ATRNL1: variants seen among roughly 807,000 people sequenced by gnomAD.
ATRNL1 encodes the protein attractin-like protein 1.
Under a neutral mutation model 182.7 loss-of-function variants are expected in ATRNL1, and 95 were observed. That is an observed-to-expected ratio of 0.52 (90% CI 0.44 to 0.62). The LOEUF is 0.62. Among genes scored for constraint, ATRNL1 ranks in the 20% least tolerant of loss-of-function variants. The probability of loss-of-function intolerance (pLI) is 0.00; values close to 1 mark genes in which losing one functional copy is unlikely to be tolerated. For synonymous variants in ATRNL1, 576 were observed against 568.3 expected (o/e 1.01, Z -0.19); for missense variants, 1,471 against 1,679.5 (o/e 0.88, Z 2.17).
At chr10:115,274,637 A>G (rs1452271822) in intron 13 of ATRNL1, among the ~76,000 whole-genome samples, 5 of 152,182 alleles carry the variant, frequency 3.3e-5, no homozygotes, top group Admixed American at 2.0e-4. Context: ...TGTCTTGTGG[A>G]ATAAAAAGGC....
chr10:115,880,923 C>A (rs1187631125), intron 28 of ATRNL1, among the ~76,000 whole-genome samples: 1 of 152,154 alleles, frequency 6.6e-6, no homozygotes, highest in Non-Finnish European at 1.5e-5. Context: ...CCAAAAAGAA[C>A]AAGCTCTGAA....
intron 26 of ATRNL1, among the ~76,000 whole-genome samples, chr10:115,626,286 G>A (rs111892197): frequency 5.0e-4 from 76 of 152,208 alleles, no homozygotes; most frequent in African/African-American, 1.8e-3. Context: ...GGTGGAAGAG[G>A]GAATTAGGAA....
intron 24 of ATRNL1, among the ~76,000 whole-genome samples, chr10:115,487,000 T>TC (rs1171459670): frequency 6.6e-6 from 1 of 152,188 alleles, no homozygotes; most frequent in Non-Finnish European, 1.5e-5. Flanking sequence ...AGGGAATCCT[T>TC]CCCCCATTGC....
intron 1 of ATRNL1, among the ~76,000 whole-genome samples, chr10:115,105,429 C>T (rs782095912): frequency 3.3e-5 from 5 of 152,158 alleles, no homozygotes; most frequent in Non-Finnish European, 7.4e-5. Flanking sequence ...AAGAAAATCC[C>T]ATTTTCTGAG....
Position 115,570,028 on chromosome 10 carries a change from C to G in ATRNL1, c.3795+20492C>G, listed in dbSNP as rs182649336. Among the ~76,000 whole-genome samples the G allele has an allele frequency of 5.4e-3, 825 of 152,318 alleles. 1 individual carries two copies. Among genetic ancestry groups the G allele is most frequent in the Non-Finnish European group, 9.2e-3 (623 of 68,030 alleles). On this transcript the variant is annotated intron_variant, in intron 26 of 28. Transcript: ENST00000355044. ...TTCTGCTGGAGTGCAGTGGTGCGATCTCAGCTCACTGCAACCTCTGCCTCC... is the reference window on the plus strand; with the variant it reads ...TTCTGCTGGAGTGCAGTGGTGCGATGTCAGCTCACTGCAACCTCTGCCTCC...
intron 6 of ATRNL1, among the ~76,000 whole-genome samples, chr10:115,164,930 T>G (rs1024048769): frequency 1.5e-4 from 23 of 152,064 alleles, no homozygotes; most frequent in African/African-American, 5.3e-4. Context: ...GAAATTATAG[T>G]TAACAATTTA....
intron 27 of ATRNL1, among the ~76,000 whole-genome samples, chr10:115,758,846 CA>C (rs1329214480): frequency 7.2e-5 from 11 of 152,216 alleles, no homozygotes; most frequent in African/African-American, 2.7e-4. Flanking sequence ...CAAGCCTCAG[CA>C]ATAGCAGAAT....
At chr10:115,665,301 T>G (rs1860936911) in intron 26 of ATRNL1, among the ~76,000 whole-genome samples, 1 of 152,060 alleles carries the variant, frequency 6.6e-6, no homozygotes, top group Non-Finnish European at 1.5e-5. Context: ...TAATACAAAC[T>G]CCTCACTTTC....
chr10:115,239,898 G>A (rs1850343225), intron 9 of ATRNL1, among the ~76,000 whole-genome samples: 1 of 152,154 alleles, frequency 6.6e-6, no homozygotes, highest in Admixed American at 6.5e-5. Flanking sequence ...GGAATGAGAA[G>A]TGCTGGTATC....
At chr10:115,834,346 G>A (rs575452837) in intron 27 of ATRNL1, among the ~76,000 whole-genome samples, 1 of 152,252 alleles carries the variant, frequency 6.6e-6, no homozygotes, top group South Asian at 2.1e-4. Flanking sequence ...ATTCTCTAAT[G>A]GTGGGATTAT....
chr10:115,689,678 T>C (rs1259595267), intron 26 of ATRNL1, among the ~76,000 whole-genome samples: 2 of 152,170 alleles, frequency 1.3e-5, no homozygotes, highest in Non-Finnish European at 2.9e-5. Flanking sequence ...CAGGAAAGTA[T>C]GTATCTCTGG....
intron 3 of ATRNL1, among the ~76,000 whole-genome samples, chr10:115,124,746 C>A (rs1277894774): frequency 6.6e-6 from 1 of 152,092 alleles, no homozygotes; most frequent in Non-Finnish European, 1.5e-5. Flanking sequence ...CATAAATTTT[C>A]AGGGCTCACC....
At chr10:115,876,052 G>T (rs1951693337) in intron 28 of ATRNL1, among the ~76,000 whole-genome samples, 3 of 152,192 alleles carry the variant, frequency 2.0e-5, no homozygotes, top group Admixed American at 6.5e-5. Flanking sequence ...AAGCTTTGGA[G>T]CAAGGTGAAA....
intron 18 of ATRNL1, among the ~76,000 whole-genome samples, chr10:115,329,500 T>C (rs1274859957): frequency 6.6e-6 from 1 of 152,152 alleles, no homozygotes; most frequent in Non-Finnish European, 1.5e-5. Context: ...CCTACTACTA[T>C]TGTTTTGCTT....
chr10:115,351,734 C>A (rs56728323), intron 19 of ATRNL1, among the ~76,000 whole-genome samples: 1 of 56,240 alleles, frequency 1.8e-5, no homozygotes, highest in African/African-American at 4.4e-5. Flanking sequence ...CTGTAGTTTT[C>A]TTTTCTTGTG....
chr10:115,325,455 C>T (rs1461297519), intron 18 of ATRNL1, among the ~76,000 whole-genome samples: 5 of 152,100 alleles, frequency 3.3e-5, no homozygotes, highest in Non-Finnish European at 7.4e-5. Context: ...CTGTAATATA[C>T]TTTCTCCTTT....
intron 26 of ATRNL1, among the ~76,000 whole-genome samples, chr10:115,719,348 A>G (rs1167261796): frequency 6.6e-6 from 1 of 152,204 alleles, no homozygotes; most frequent in Non-Finnish European, 1.5e-5. Context: ...AGAAGATAAA[A>G]ACAAGTATAC....
At chr10:115,486,084 T>C (rs1849008901) in intron 24 of ATRNL1, among the ~76,000 whole-genome samples, 1 of 152,190 alleles carries the variant, frequency 6.6e-6, no homozygotes, top group Non-Finnish European at 1.5e-5. Flanking sequence ...CTCATCATTT[T>C]TTATGGCTGC....
chr10:115,939,207 C>T (rs1217819071), intron 28 of ATRNL1, among the ~76,000 whole-genome samples: 1 of 152,174 alleles, frequency 6.6e-6, no homozygotes, highest in Non-Finnish European at 1.5e-5. Flanking sequence ...ACCACTGAGT[C>T]GTGCCCATTT....
Sources: gnomAD v4.1 joint callset for allele counts (sites outside exome capture counted in the v4.1 genomes callset) on GRCh38, gnomAD v4.1.1 for gene constraint, MANE v1.5 for transcripts, NCBI Gene and HGNC (gene_info 2026-07-23, HGNC 2026-07-21) for gene names.